The following USP49 variants were observed in gnomAD, a reference collection of about 807,000 sequenced individuals.
USP49 encodes the protein ubiquitin carboxyl-terminal hydrolase 49.
Under a neutral mutation model 58.6 loss-of-function variants are expected in USP49, and 24 were observed. The ratio of observed to expected loss-of-function variants is 0.41; its 90% confidence interval spans 0.30 to 0.58. The LOEUF is 0.58. USP49 is among the 20% of genes least tolerant of loss of function. The pLI is 0.30. For synonymous variants in USP49, 408 were observed against 365.1 expected, an observed-to-expected ratio of 1.12 and a Z score of -1.34; for missense variants, 703 against 866.1, an observed-to-expected ratio of 0.81 and a Z score of 2.36.
At chr6:41,825,197 TTA>T (rs1773517535) in intron 3 of USP49, among the ~76,000 whole-genome samples, 1 of 152,180 alleles carries the variant, frequency 6.6e-6, no homozygotes. Flanking sequence ...AAAGTCCCTA[TTA>T]AAGGCAAATA....
chr6:41,829,754 TCTTAA>T (rs1773604363), intron 3 of USP49, among the ~76,000 whole-genome samples: 2 of 152,226 alleles, frequency 1.3e-5, no homozygotes, highest in Admixed American at 6.5e-5. Context: ...CATGTACTGT[TCTTAA>T]CTTGAGAGGG....
chr6:41,840,215 A>G (rs1773799471), intron 3 of USP49, among the ~76,000 whole-genome samples: 1 of 151,874 alleles, frequency 6.6e-6, no homozygotes, highest in Non-Finnish European at 1.5e-5. Flanking sequence ...TCTACTAAAA[A>G]TACAAAAAAT....
chr6:41,854,785 A>G (rs1178600226), intron 3 of USP49, among the ~76,000 whole-genome samples: 3 of 151,968 alleles, frequency 2.0e-5, no homozygotes, highest in Non-Finnish European at 4.4e-5. Flanking sequence ...CCTTTTATTT[A>G]TATTCTGAGA....
At chr6:41,833,664 G>T (rs949374189) in intron 3 of USP49, among the ~76,000 whole-genome samples, 2 of 152,254 alleles carry the variant, frequency 1.3e-5, no homozygotes, top group Middle Eastern at 3.4e-3. Context: ...GTTCTTATTG[G>T]TATGGGTAAA....
intron 5 of USP49, among the ~76,000 whole-genome samples, chr6:41,800,415 T>C (rs950480338): frequency 3.3e-5 from 5 of 152,236 alleles, no homozygotes; most frequent in Non-Finnish European, 7.3e-5. Flanking sequence ...TTTTAAGTCA[T>C]TGTTATTTGG....
rs1464295665 is a variant in USP49, at chr6:41,793,787, C to T, written c.*2746G>A. ...GTAAAAAAAAATCCTTTTTGAGGGC[C>T]TAGGTGCACTCATCTTGGCTGGCTA... On this transcript the variant is annotated 3_prime_UTR_variant, in exon 8 of 8. Coordinates refer to ENST00000682992, the MANE Select transcript of USP49 (RefSeq NM_001286554.2). The T allele has an allele frequency of 6.6e-6, 1 of 152,158 alleles. No homozygotes were observed. Among genetic ancestry groups the T allele is most frequent in the Non-Finnish European group, 1.5e-5 (1 of 68,030 alleles). The allele number at this position is 152,158 out of a possible 1,614,324, so 9.4% of individuals were successfully genotyped here.
rs1440797178 is a variant in USP49 at position 41,791,144 on chromosome 6, C to T, written c.*5389G>A. On this transcript the variant is annotated 3_prime_UTR_variant, in exon 8 of 8. Coordinates refer to ENST00000682992, the MANE Select transcript of USP49 (RefSeq NM_001286554.2). ...AATCAAAATCCAGCAAGAATTAAGA[C>T]ATGGCAGCTTCCAAAAGCATAATTC... 1 of 152,186 alleles carries T rather than the reference C, an allele frequency of 6.6e-6. No homozygotes were observed. Among genetic ancestry groups the T allele is most frequent in the Non-Finnish European group, 1.5e-5 (1 of 68,030 alleles). 9.4% of individuals were successfully genotyped at this position (152,186 alleles called of 1,614,324 possible).
At chr6:41,824,387 T>C (rs113326706) in intron 3 of USP49, among the ~76,000 whole-genome samples, 1 of 151,398 alleles carries the variant, frequency 6.6e-6, no homozygotes, top group Non-Finnish European at 1.5e-5. Flanking sequence ...GCAAGGATAA[T>C]AAAAGTCCAA....
At chr6:41,854,002 A>G (rs1774080744) in intron 3 of USP49, among the ~76,000 whole-genome samples, 1 of 137,194 alleles carries the variant, frequency 7.3e-6, no homozygotes, top group Non-Finnish European at 1.6e-5. Flanking sequence ...TCTGTCTCGA[A>G]AAAAAAAAAA....
At chr6:41,848,854 TAAA>T (rs80133968) in intron 3 of USP49, among the ~76,000 whole-genome samples, 4 of 132,728 alleles carry the variant, frequency 3.0e-5, no homozygotes, top group Non-Finnish European at 4.9e-5. Flanking sequence ...AGACACCGTC[TAAA>T]AAAAAAAAAA....
intron 3 of USP49, among the ~76,000 whole-genome samples, chr6:41,809,349 C>A (rs1773203180): frequency 6.6e-6 from 1 of 151,696 alleles, no homozygotes; most frequent in African/African-American, 2.4e-5. Flanking sequence ...ATGGTGAAAC[C>A]CCATCTCTAC....
intron 7 of USP49, 173 bp downstream of exon 7, chr6:41,798,551 C>T: frequency 2.0e-6 from 3 of 1,520,098 alleles, no homozygotes; most frequent in Non-Finnish European, 2.7e-6. Flanking sequence ...GCTAGGATTA[C>T]AGGTGTGAGC....
chr6:41,865,757 G>C (rs2127356822), intron 3 of USP49, among the ~76,000 whole-genome samples: 1 of 148,136 alleles, frequency 6.8e-6, no homozygotes, highest in Middle Eastern at 3.9e-3. Context: ...TCCTGCCTCA[G>C]CTTCCTGAGT....
intron 3 of USP49, among the ~76,000 whole-genome samples, chr6:41,816,409 T>C (rs1196625631): frequency 6.6e-6 from 1 of 152,118 alleles, no homozygotes; most frequent in African/African-American, 2.4e-5. Flanking sequence ...GCACAAACAT[T>C]CTCTTGAATT....
chr6:41,840,921 T>C (rs76823777), intron 3 of USP49, among the ~76,000 whole-genome samples: 101 of 152,036 alleles, frequency 6.6e-4, no homozygotes, highest in African/African-American at 2.4e-3. Flanking sequence ...AGGATGACTG[T>C]TTGAGCCAAG....
chr6:41,864,156 CAT>C (rs1374816635), intron 3 of USP49, among the ~76,000 whole-genome samples: 1 of 152,162 alleles, frequency 6.6e-6, no homozygotes, highest in Non-Finnish European at 1.5e-5. Context: ...CACTTGATAA[CAT>C]ATGTTAAACC....
chr6:41,797,850 A>G, intron 7 of USP49: 2 of 972,914 alleles, frequency 2.1e-6, no homozygotes, highest in Non-Finnish European at 1.2e-6. Context: ...AATAAGTACT[A>G]TGTGGTAGGC....
At position 41,806,544 on chromosome 6, in the gene USP49, C is replaced by G. The variant is rs766516480; in HGVS notation, c.440G>C (p.Arg147Pro). Residue 147 changes from arginine to proline, a missense_variant, in exon 4 of 8, where the codon CGT becomes CCT. Physicochemically the swap from Arg to Pro is moderately radical, Grantham distance 103 (BLOSUM62 -2). This residue lies in a region of USP49 where 376 missense variants were observed against 373.5 expected (regional missense o/e 1.01). Coordinates refer to ENST00000682992, the MANE Select transcript of USP49 (RefSeq NM_001286554.2). This position sits in a 1 kb window ranked among gnomAD's most constrained non-coding sequence, Gnocchi z 5.9. ...PQMLTALWYR[R>P]QRLLARTLRL... ...CAGCGTCCTGGCCAGCAGGCGCTGA[C>G]GCCGGTACCACAGAGCCGTGAGCAT... 1 of 1,600,990 alleles carries G rather than the reference C, an allele frequency of 6.2e-7. No homozygotes were observed. The highest frequency in any genetic ancestry group is 1.1e-5 in the South Asian group (1 of 90,922).
At position 41,806,173 on chromosome 6, in the gene USP49, G is replaced by A; in HGVS notation, c.811C>T (p.Leu271Phe). The A allele has an allele frequency of 6.2e-7, 1 of 1,613,384 alleles. No homozygotes were observed. The highest frequency in any genetic ancestry group is 8.5e-7 in the Non-Finnish European group (1 of 1,180,038). ...TCYMNSILQV[L>F]SHLQKFRECF... ...TCTCGGAACTTCTGGAGGTGGCTGA[G>A]CACCTGGAGGATGGAGTTCATGTAG... The change falls in exon 4 of 8, where the codon CTC becomes TTC. Residue 271 changes from leucine to phenylalanine, a missense_variant. Coordinates refer to ENST00000682992, the MANE Select transcript of USP49 (RefSeq NM_001286554.2). The surrounding 1 kb of genome is among the most constrained non-coding windows in gnomAD (Gnocchi z 5.9).
Sources: gnomAD v4.1 joint callset for allele counts (sites outside exome capture counted in the v4.1 genomes callset) on GRCh38, gnomAD v4.1.1 for gene constraint, gnomAD v4.1.1 regional missense constraint, Gnocchi (gnomAD v3.1) non-coding constraint, MANE v1.5 for transcripts, NCBI Gene and HGNC (gene_info 2026-07-23, HGNC 2026-07-21) for gene names.